The following COL19A1 variants were observed in gnomAD, a reference collection of about 807,000 sequenced individuals.
COL19A1 encodes collagen alpha-1(XIX) chain.
In COL19A1, 159 loss-of-function variants were observed where a neutral mutation model predicts 190.2. That is an observed-to-expected ratio of 0.84 (90% CI 0.73 to 0.95). The LOEUF (loss-of-function observed/expected upper bound fraction) is 0.95. Ranked by LOEUF, COL19A1 falls within the 40% of genes least tolerant of loss-of-function variation. The pLI, the probability that COL19A1 is intolerant of heterozygous loss-of-function variation, is 0.00. For synonymous variants in COL19A1, 509 were observed against 458.9 expected, an observed-to-expected ratio of 1.11 and a Z score of -1.39; for missense variants, 1,418 against 1,431.9, an observed-to-expected ratio of 0.99 and a Z score of 0.16.
Position 69,919,394 on chromosome 6 carries a change from C to T in COL19A1, c.267-8515C>T, listed in dbSNP as rs540366662. Among the ~76,000 whole-genome samples, 12 of 152,258 alleles carry T rather than the reference C, an allele frequency of 7.9e-5. No individual in the cohort carries two copies. In the South Asian group the frequency reaches 1.7e-3, roughly 21 times the overall value. ...AGGTGTTTTGGCTTGTTAATGAAAG[C>T]ACTTCATAGTTAGGAAGAATGTTGA... On this transcript the variant is annotated intron_variant, in intron 4 of 50. Transcript: ENST00000620364.
At chr6:70,126,231 C>T (rs898815731) in intron 17 of COL19A1, among the ~76,000 whole-genome samples, 1 of 151,880 alleles carries the variant, frequency 6.6e-6, no homozygotes, top group Admixed American at 6.6e-5. Flanking sequence ...ACTTTAATAT[C>T]CACAGACTAG....
intron 35 of COL19A1, among the ~76,000 whole-genome samples, chr6:70,163,101 T>C (rs1251204688): frequency 6.6e-6 from 1 of 152,150 alleles, no homozygotes; most frequent in Non-Finnish European, 1.5e-5. Context: ...AAGGTTCCAA[T>C]TAAGGTCATT....
chr6:70,034,343 T>C lies in COL19A1; in HGVS notation c.1134+45T>C, dbSNP rs756505324. 6.3e-6 allele frequency: 9 copies of C among 1,427,524 alleles called. No homozygotes were observed. The East Asian group carries it at 2.0e-4, about 32-fold the overall frequency. The allele number at this position is 1,427,524 out of a possible 1,614,324, so 88.4% of individuals were successfully genotyped here. A position where few individuals can be genotyped will look rare whatever the true frequency, so the allele number is the denominator to read the frequency against. The stretch of plus-strand genomic sequence containing the variant: ...AAGCCCAACCTTTCTTTAAGAAAAC[T>C]CTGACAACCTATGCAGTGACTTCTC... On this transcript the variant is annotated intron_variant, in intron 13 of 50. Coordinates refer to ENST00000620364, the MANE Select transcript of COL19A1 (RefSeq NM_001858.6).
At chr6:70,149,961 A>G in intron 29 of COL19A1, 31 bp from the exon 30 acceptor site, 2 of 1,613,836 alleles carry the variant, frequency 1.2e-6, no homozygotes, top group Non-Finnish European at 1.7e-6. Context: ...TGCCACGTGC[A>G]AAGATTGAAC....
chr6:70,021,513 C>T lies in COL19A1; in HGVS notation c.1027-2114C>T, dbSNP rs149717105. 3.3e-5 allele frequency among the ~76,000 whole-genome samples: 5 copies of T among 152,310 alleles called. No homozygotes were observed. The East Asian group carries it at 9.6e-4, about 29-fold the overall frequency. On this transcript the variant is annotated intron_variant, in intron 11 of 50. Coordinates refer to ENST00000620364, the MANE Select transcript of COL19A1 (RefSeq NM_001858.6). ...CTTCTGTGTCAAAAATTTCTATTCA[C>T]TCTAATAACTTATCCTGAACATATT...
At chr6:69,921,365 T>C (rs571695447) in intron 4 of COL19A1, among the ~76,000 whole-genome samples, 1 of 108,078 alleles carries the variant, frequency 9.3e-6, no homozygotes, top group East Asian at 2.4e-4. Flanking sequence ...TAATCATATA[T>C]ATCATATATA....
chr6:69,890,568 C>T (rs555279646), intron 2 of COL19A1: 1 of 152,120 alleles, frequency 6.6e-6, no homozygotes, highest in Non-Finnish European at 1.5e-5. Context: ...CTAAGTTTAC[C>T]AGGTAAAATA....
intron 5 of COL19A1, 64 bp downstream of exon 5, chr6:69,928,096 T>G (rs1772515998): frequency 6.3e-7 from 1 of 1,580,102 alleles, no homozygotes; most frequent in Admixed American, 1.7e-5. Flanking sequence ...GTGAATTATT[T>G]GAACTGGTGC....
At chr6:70,041,393 C>G (rs2150123605) in intron 14 of COL19A1, among the ~76,000 whole-genome samples, 1 of 152,174 alleles carries the variant, frequency 6.6e-6, no homozygotes, top group East Asian at 1.9e-4. Context: ...CCACCCTTAT[C>G]CTTTTTATAT....
intron 14 of COL19A1, among the ~76,000 whole-genome samples, chr6:70,059,297 C>A (rs1780686842): frequency 6.6e-6 from 1 of 152,056 alleles, no homozygotes; most frequent in Non-Finnish European, 1.5e-5. Context: ...TGAAACTTCC[C>A]TTTTTCACTT....
At position 70,115,825 on chromosome 6, in the gene COL19A1, GTTTT is replaced by G. The variant is rs57814985; in HGVS notation, c.1279-6041_1279-6038del. Reference sequence around the variant, plus strand: ...TTTTTGTTTTGTTTTTTGGTGTTTTGTTTTTTTTTTTTTTTTTGGTGGGGAGAAG... The same window carrying G: ...TTTTTGTTTTGTTTTTTGGTGTTTTGTTTTTTTTTTTTTGGTGGGGAGAAG... On this transcript the variant is annotated intron_variant, in intron 16 of 50. Transcript: ENST00000620364. Among the ~76,000 whole-genome samples the G allele has an allele frequency of 2.8e-3, 328 of 117,164 alleles. 2 individuals are homozygous for G. Among genetic ancestry groups the G allele is most frequent in the South Asian group, 0.026 (93 of 3,568 alleles). 76.9% of individuals were successfully genotyped at this position (117,164 alleles called of 152,430 possible).
chr6:70,045,027 A>G (rs1779830414), intron 14 of COL19A1, among the ~76,000 whole-genome samples: 1 of 152,056 alleles, frequency 6.6e-6, no homozygotes, highest in African/African-American at 2.4e-5. Flanking sequence ...CTACTTTAAA[A>G]TCTTTCCAGG....
chr6:69,915,887 T>C (rs1417674870), intron 4 of COL19A1, among the ~76,000 whole-genome samples: 1 of 151,970 alleles, frequency 6.6e-6, no homozygotes, highest in African/African-American at 2.4e-5. Context: ...ATACATACTG[T>C]TCTCATGATT....
At chr6:70,153,087 G>A (rs1001004161) in intron 31 of COL19A1, among the ~76,000 whole-genome samples, 1 of 152,062 alleles carries the variant, frequency 6.6e-6, no homozygotes, top group Non-Finnish European at 1.5e-5. Context: ...CATCTTGACT[G>A]ATAGTCTCCA....
rs1349753861 is a variant in COL19A1, at chr6:70,148,762, GCTAAA to G, written c.1894-940_1894-936del. 2.0e-5 allele frequency among the ~76,000 whole-genome samples: 3 copies of G among 151,962 alleles called. No individual in the cohort carries two copies. The East Asian group carries it at 5.8e-4, about 30-fold the overall frequency. ...GCCAACACAGTGAAACCCCATCTCT[GCTAAA>G]CATACAAAAATTAGCCAAACGTGGT... On this transcript the variant is annotated intron_variant, in intron 27 of 50. Coordinates refer to ENST00000620364, the MANE Select transcript of COL19A1 (RefSeq NM_001858.6).
chr6:70,116,204 T>C (rs1166980944), intron 16 of COL19A1, among the ~76,000 whole-genome samples: 1 of 152,178 alleles, frequency 6.6e-6, no homozygotes, highest in Non-Finnish European at 1.5e-5. Context: ...CATTCTTAGG[T>C]TAATCTAAAT....
At chr6:69,921,459 A>ATTCATAT (rs1216997835) in intron 4 of COL19A1, among the ~76,000 whole-genome samples, 1 of 21,270 alleles carries the variant, frequency 4.7e-5, no homozygotes, top group Admixed American at 5.8e-4. Context: ...TATCATATAT[A>ATTCATAT]TCATATATAT....
At chr6:69,888,664 G>A (rs1769113427) in intron 2 of COL19A1, among the ~76,000 whole-genome samples, 1 of 151,870 alleles carries the variant, frequency 6.6e-6, no homozygotes, top group Non-Finnish European at 1.5e-5. Context: ...GTGGTGGCTT[G>A]TGCCTGTAAT....
intron 20 of COL19A1, among the ~76,000 whole-genome samples, chr6:70,141,230 TA>T (rs2150234289): frequency 6.6e-6 from 1 of 152,234 alleles, no homozygotes; most frequent in South Asian, 2.1e-4. Context: ...ATACATTGTT[TA>T]ACCAGTTACT....
Sources: gnomAD v4.1 joint callset for allele counts (sites outside exome capture counted in the v4.1 genomes callset) on GRCh38, gnomAD v4.1.1 for gene constraint, MANE v1.5 for transcripts, NCBI Gene and HGNC (gene_info 2026-07-23, HGNC 2026-07-21) for gene names.